MOK: variants seen among roughly 807,000 people sequenced by gnomAD.
MOK encodes MAPK/MAK/MRK overlapping kinase.
A neutral mutation model predicts 54.2 loss-of-function variants in MOK; 59 were observed. The ratio of observed to expected loss-of-function variants is 1.09; its 90% CI spans 0.88 to 1.35. The LOEUF (loss-of-function observed/expected upper bound fraction) is 1.35, where lower values mean the gene tolerates loss of function less well. Among genes scored for constraint, MOK ranks in the 40% most tolerant of loss-of-function variants. The probability of loss-of-function intolerance (pLI) is 0.00; values close to 1 mark genes in which losing one functional copy is unlikely to be tolerated. For missense variants in MOK, 517 were observed against 526.2 expected (o/e 0.98, Z 0.17); for synonymous variants, 210 against 202.7 (o/e 1.04, Z -0.31).
Position 102,248,118 on chromosome 14 carries a change from C to T in MOK, c.590+2694G>A, listed in dbSNP as rs372561580. On this transcript the variant is annotated intron_variant, in intron 7 of 11. Transcript: ENST00000361847. ...CCAGCAAGAAGTGGCCAGACGCCAA[C>T]GGCGCCCCTCTTCTATTACCTATTA... is the stretch of plus-strand genomic sequence containing the variant. 1.4e-4 allele frequency among the ~76,000 whole-genome samples: 22 copies of T among 152,316 alleles called. No individual in the cohort carries two copies. In the South Asian group the frequency reaches 2.3e-3, roughly 16 times the overall value.
At position 102,249,168 on chromosome 14, in the gene MOK, C is replaced by G. The variant is rs1231844598; in HGVS notation, c.590+1644G>C. On this transcript the variant is annotated intron_variant, in intron 7 of 11. Transcript: ENST00000361847. The surrounding 1 kb of genome is among the most constrained non-coding windows in gnomAD (Gnocchi z 5.3). ...TTTGTTTCCACTTTACCAATAGGTC[C>G]GACATGTGTTTTCTAAGAGGCAAAA... 6.6e-6 allele frequency among the ~76,000 whole-genome samples: 1 copy of G among 152,094 alleles called. No homozygotes were observed.
intron 4 of MOK, among the ~76,000 whole-genome samples, chr14:102,258,882 T>C (rs924648436): frequency 6.6e-6 from 1 of 151,918 alleles, no homozygotes; most frequent in Non-Finnish European, 1.5e-5. Context: ...CTGGCCAACA[T>C]AGTGAAACCC....
chr14:102,268,104 A>G (rs2068058097), intron 2 of MOK, among the ~76,000 whole-genome samples: 1 of 152,200 alleles, frequency 6.6e-6, no homozygotes, highest in Non-Finnish European at 1.5e-5. Context: ...AGAACCGGGC[A>G]GCCAAACAGC....
downstream of MOK, chr14:102,222,899 G>A (rs745910352): frequency 1.1e-5 from 17 of 1,613,968 alleles, no homozygotes; most frequent in East Asian, 4.5e-5. This position sits in a 1 kb window ranked among gnomAD's most constrained non-coding sequence, Gnocchi z 4.4. Context: ...TCACTGCTGC[G>A]CGCACAGTCT....
At chr14:102,247,134 A>G (rs2153105261) in intron 7 of MOK, among the ~76,000 whole-genome samples, 1 of 152,152 alleles carries the variant, frequency 6.6e-6, no homozygotes, top group Non-Finnish European at 1.5e-5. Context: ...ACACTCCCAC[A>G]TGGATCTTAG....
Position 102,233,673 on chromosome 14 carries a change from G to A in MOK, c.692+15C>T. 1 of 1,606,088 alleles carries A rather than the reference G, an allele frequency of 6.2e-7. No individual in the cohort carries two copies. Among genetic ancestry groups the A allele is most frequent in the Non-Finnish European group, 8.5e-7 (1 of 1,172,742 alleles). On this transcript the variant is annotated intron_variant, in intron 8 of 11. Transcript: ENST00000361847. ...GGGAGTGGGTCCACATCCACTCTCA[G>A]AACACAATACTTACTGTTTGAACTT...
intron 7 of MOK, among the ~76,000 whole-genome samples, chr14:102,241,255 C>T (rs61992532): frequency 1 from 152,228 of 152,228 alleles, 76,114 homozygotes; most frequent in Non-Finnish European, 1. Flanking sequence ...CCATCTGACC[C>T]CTCCCTTCCT....
At chr14:102,219,472 T>G in the MOK span, among the ~76,000 whole-genome samples, 1 of 152,238 alleles carries the variant, frequency 6.6e-6, no homozygotes, top group Non-Finnish European at 1.5e-5. Flanking sequence ...CCCAGCACAC[T>G]CCAGGGCTTG....
chr14:102,303,509 G>A (rs893475381), intron 1 of MOK, among the ~76,000 whole-genome samples: 6 of 152,150 alleles, frequency 3.9e-5, no homozygotes, highest in African/African-American at 1.4e-4. Flanking sequence ...AAAGAGATAT[G>A]ACAACAGAAT....
chr14:102,227,232 A>C (rs1270643839), downstream of MOK, among the ~76,000 whole-genome samples: 1 of 152,154 alleles, frequency 6.6e-6, no homozygotes, highest in East Asian at 1.9e-4. Flanking sequence ...TCAATCCGTT[A>C]ACATGCCTGA....
At chr14:102,276,211 G>A (rs1405974896) in intron 2 of MOK, among the ~76,000 whole-genome samples, 1 of 152,112 alleles carries the variant, frequency 6.6e-6, no homozygotes, top group African/African-American at 2.4e-5. Context: ...CAGGCCGGGC[G>A]TGGTGGCTCA....
Position 102,235,362 on chromosome 14 carries a change from T to G in MOK, c.591-1573A>C, listed in dbSNP as rs1204914700. 1 of 152,278 alleles carries G rather than the reference T, an allele frequency of 6.6e-6. No individual in the cohort carries two copies. Among genetic ancestry groups the G allele is most frequent in the Non-Finnish European group, 1.5e-5 (1 of 68,056 alleles). 9.4% of individuals were successfully genotyped at this position (152,278 alleles called of 1,614,324 possible). A position where few individuals can be genotyped will look rare whatever the true frequency, so the allele number is the denominator to read the frequency against. On this transcript the variant is annotated intron_variant, in intron 7 of 11. Transcript: ENST00000361847. The surrounding 1 kb of genome is among the most constrained non-coding windows in gnomAD (Gnocchi z 4.4). Reference sequence around the variant, plus strand: ...AATATCTCACCCAGTCTTATGAACTTACTTGGCATGATCTCTATATTATTT... The same window carrying G: ...AATATCTCACCCAGTCTTATGAACTGACTTGGCATGATCTCTATATTATTT...
chr14:102,233,772 G>C lies in MOK; in HGVS notation c.608C>G (p.Pro203Arg). Residue 203 changes from proline (P) to arginine (R), a missense_variant, in exon 8 of 12, where the codon CCT (proline) becomes CGT (arginine). Transcript: ENST00000361847. ...YEIASLQPLF[P>R]GVNELDQISK... ...GATTTGGTCCAGTTCATTTACTCCA[G>C]GAAAGAGGGGCTGCAGACTGGAAGG... 1.2e-6 allele frequency: 2 copies of C among 1,614,002 alleles called. No homozygotes were observed. Among genetic ancestry groups the C allele is most frequent in the South Asian group, 1.1e-5 (1 of 91,074 alleles).
chr14:102,241,126 G>A (rs945179634), intron 7 of MOK, among the ~76,000 whole-genome samples: 1 of 152,130 alleles, frequency 6.6e-6, no homozygotes, highest in East Asian at 1.9e-4. Flanking sequence ...TTTACACATC[G>A]GTCCCTCCCT....
intron 2 of MOK, among the ~76,000 whole-genome samples, chr14:102,279,804 T>TA (rs2069226625): frequency 1.3e-5 from 2 of 152,148 alleles, no homozygotes; most frequent in African/African-American, 4.8e-5. Context: ...CCTGCCACAG[T>TA]ACTAATCCAT....
downstream of MOK, among the ~76,000 whole-genome samples, chr14:102,226,661 T>C (rs2064262712): frequency 6.6e-6 from 1 of 152,150 alleles, no homozygotes; most frequent in Admixed American, 6.5e-5. This position sits in a 1 kb window ranked among gnomAD's most constrained non-coding sequence, Gnocchi z 4.8. Flanking sequence ...TGACGCCTCC[T>C]GCCAAGAGCA....
chr14:102,279,345 A>G (rs1449608939), intron 2 of MOK, among the ~76,000 whole-genome samples: 1 of 152,000 alleles, frequency 6.6e-6, no homozygotes, highest in African/African-American at 2.4e-5. Flanking sequence ...CCCAGGCTGG[A>G]GTGCAGTGGC....
intron 2 of MOK, among the ~76,000 whole-genome samples, chr14:102,268,538 C>T (rs376694411): frequency 1.3e-3 from 196 of 152,014 alleles, no homozygotes; most frequent in Admixed American, 2.0e-3. Flanking sequence ...GCCTTTGCTC[C>T]GAAAAGAACC....
Position 102,255,421 on chromosome 14 carries a change from C to T in MOK, c.284-3426G>A, listed in dbSNP as rs868278333. ...ATGCGGGCCAGGAATCTGTGCTTCT[C>T]AGATGCCTTCAGTCCCAGGTAAGAG... On this transcript the variant is annotated intron_variant, in intron 4 of 11. Coordinates refer to ENST00000361847, the MANE Select transcript of MOK (RefSeq NM_014226.3). Among the ~76,000 whole-genome samples, 3 of 152,326 alleles carry T rather than the reference C, an allele frequency of 2.0e-5. No individual in the cohort carries two copies. The South Asian group carries it at 6.2e-4, about 32-fold the overall frequency.
Sources: allele counts gnomAD v4.1 joint callset (sites outside exome capture counted in the v4.1 genomes callset), GRCh38; gene constraint gnomAD v4.1.1; non-coding constraint Gnocchi (gnomAD v3.1); transcripts MANE v1.5; gene names NCBI Gene and HGNC (gene_info 2026-07-23, HGNC 2026-07-21).